MCMDC2: variants seen among roughly 807,000 people sequenced by gnomAD.
The protein encoded by MCMDC2 is minichromosome maintenance domain-containing protein 2.
MCMDC2 carries 54 observed loss-of-function variants against 75.8 expected under a neutral mutation model. The observed-to-expected ratio is 0.71, with a 90% CI of 0.57 to 0.89. The LOEUF is 0.89. Ranked by LOEUF, MCMDC2 falls within the 40% of genes least tolerant of loss-of-function variation. MCMDC2 has a pLI of 0.00. For synonymous variants in MCMDC2, 249 were observed against 274.6 expected (o/e 0.91, Z 0.92); for missense variants, 656 against 780.4 (o/e 0.84, Z 1.90).
intron 14 of MCMDC2, among the ~76,000 whole-genome samples, chr8:66,917,759 T>A (rs1189427871): frequency 6.6e-6 from 1 of 152,276 alleles, no homozygotes. Context: ...TAAGGCTGAA[T>A]AACATCCTTT....
At chr8:66,880,472 T>C (rs59037712) in intron 7 of MCMDC2, among the ~76,000 whole-genome samples, 2,483 of 152,340 alleles carry the variant, frequency 0.016, 66 homozygotes, top group African/African-American at 0.055. Context: ...AGGAAAATTA[T>C]TTTCCTCTCA....
chr8:66,902,090 A>G (rs1362746847), intron 13 of MCMDC2, among the ~76,000 whole-genome samples: 1 of 151,980 alleles, frequency 6.6e-6, no homozygotes, highest in Non-Finnish European at 1.5e-5. Flanking sequence ...GCACTTTGGG[A>G]GGCTGAGGTG....
At position 66,874,336 on chromosome 8, in the gene MCMDC2, A is replaced by T. The variant is rs746338460; in HGVS notation, c.105A>T (p.Gln35His). The T allele has an allele frequency of 1.1e-5, 17 of 1,611,306 alleles. No individual in the cohort carries two copies. The Middle Eastern group carries it at 8.3e-4, about 78-fold the overall frequency. Reference sequence around the variant, plus strand: ...TGTATATTTTCATAGATTCAAAACAAAGCTATGCTGTCTATCGATTCAAAA... The same window carrying T: ...TGTATATTTTCATAGATTCAAAACATAGCTATGCTGTCTATCGATTCAAAA... ...DDCKYYNDSK[Q>H]SYAVYRFKIL... The change falls in exon 3 of 15, where the codon CAA (glutamine) becomes CAT (histidine). Residue 35 changes from glutamine to histidine, a missense_variant. Coordinates refer to ENST00000422365, the MANE Select transcript of MCMDC2 (RefSeq NM_173518.5).
At chr8:66,874,012 TTA>T (rs1491553681) in intron 1 of MCMDC2, 39 bp from the exon 2 acceptor site, 1 of 623,064 alleles carries the variant, frequency 1.6e-6, no homozygotes, top group African/African-American at 1.9e-5. Flanking sequence ...TTGTAAAGTC[TTA>T]TTAGAGATTT....
Position 66,877,334 on chromosome 8 carries a change from T to G in MCMDC2, c.286-15T>G, listed in dbSNP as rs1378673720. ...TTTGCAATTTTCATTAATACCATTT[T>G]TATGTTCTTATTAGATTAATATAGT... On this transcript the variant is annotated splice_polypyrimidine_tract_variant and intron_variant, in intron 4 of 14. Transcript: ENST00000422365. 6.5e-7 allele frequency: 1 copy of G among 1,534,256 alleles called. No homozygotes were observed. The highest frequency in any genetic ancestry group is 8.9e-7 in the Non-Finnish European group (1 of 1,126,450).
chr8:66,888,554 G>T (rs1811950672), intron 9 of MCMDC2, among the ~76,000 whole-genome samples: 1 of 152,140 alleles, frequency 6.6e-6, no homozygotes, highest in Admixed American at 6.5e-5. Context: ...ATTTCTCTCA[G>T]TGATGTTTTT....
intron 12 of MCMDC2, 37 bp downstream of exon 12, chr8:66,896,996 G>A (rs1812385899): frequency 1.3e-6 from 2 of 1,541,032 alleles, no homozygotes; most frequent in Admixed American, 4.4e-5. Context: ...GAATGCCTGT[G>A]CTAATGTTTC....
At chr8:66,887,393 A>G (rs1183628770) in intron 9 of MCMDC2, among the ~76,000 whole-genome samples, 1 of 151,674 alleles carries the variant, frequency 6.6e-6, no homozygotes, top group Non-Finnish European at 1.5e-5. Context: ...ACAAAAAAAA[A>G]AAAAAAAAAT....
chr8:66,901,937 GA>G (rs1373445227), intron 13 of MCMDC2, among the ~76,000 whole-genome samples: 1 of 150,540 alleles, frequency 6.6e-6, no homozygotes, highest in Non-Finnish European at 1.5e-5. Flanking sequence ...TCTCAAAAAA[GA>G]AAAAAAATAT....
chr8:66,902,711 A>ATATATATATAT (rs1554530727), intron 13 of MCMDC2, among the ~76,000 whole-genome samples: 4 of 67,930 alleles, frequency 5.9e-5, no homozygotes, highest in African/African-American at 2.9e-4. Context: ...AAAAAAAAAA[A>ATATATATATAT]ATATATATAT....
intron 1 of MCMDC2, among the ~76,000 whole-genome samples, chr8:66,873,068 CTTAATCATTTTATTTTAGCACCTA>C (rs1188883247): frequency 6.6e-6 from 1 of 151,574 alleles, no homozygotes; most frequent in Non-Finnish European, 1.5e-5. Flanking sequence ...AGGATCCAAT[CTTAATCATTTTATTTTAGCACCTA>C]TTAATCATTT....
chr8:66,903,128 A>C (rs1171891279), intron 13 of MCMDC2, among the ~76,000 whole-genome samples: 13 of 152,120 alleles, frequency 8.5e-5, no homozygotes, highest in Non-Finnish European at 1.8e-4. Flanking sequence ...CTCAAAAAAA[A>C]AAAAAAGCAA....
At chr8:66,901,724 A>G (rs1271113823) in intron 13 of MCMDC2, 7 of 643,788 alleles carry the variant, frequency 1.1e-5, no homozygotes, top group Admixed American at 6.1e-5. Context: ...TGAGGTCAGG[A>G]GTTCAAGACC....
chr8:66,924,502 G>A (rs964859312), downstream of MCMDC2, among the ~76,000 whole-genome samples: 3 of 151,942 alleles, frequency 2.0e-5, no homozygotes, highest in African/African-American at 7.3e-5. Flanking sequence ...GGGCGTGGTG[G>A]CAGGCGCCTG....
rs1416264458 is a variant in MCMDC2 at position 66,874,422 on chromosome 8, A to G, written c.191A>G (p.His64Arg). The change falls in exon 3 of 15, where the codon CAC becomes CGC. Residue 64 changes from histidine to arginine, a missense_variant. By Grantham distance (29) the His-to-Arg change is conservative. Transcript: ENST00000422365. ...GCTGAGCTTGGAAATCACATTTTAC[A>G]CCAACCTTTAAAAGCTGCTGAAGTC... Reference protein sequence around the residue: ...LDAELGNHILHQPLKAAEVFQ... With the variant: ...LDAELGNHILRQPLKAAEVFQ... 1.2e-6 allele frequency: 2 copies of G among 1,613,730 alleles called. No homozygotes were observed. Among genetic ancestry groups the G allele is most frequent in the African/African-American group, 2.7e-5 (2 of 74,920 alleles).
intron 4 of MCMDC2, 69 bp from the exon 5 acceptor site, chr8:66,877,280 T>TA (rs1243485311): frequency 8.3e-6 from 8 of 960,550 alleles, no homozygotes; most frequent in African/African-American, 6.8e-5. Context: ...ATAATATACT[T>TA]ACTATATTGT....
intron 10 of MCMDC2, among the ~76,000 whole-genome samples, chr8:66,894,940 C>A (rs1291999149): frequency 6.6e-6 from 1 of 152,202 alleles, no homozygotes; most frequent in East Asian, 1.9e-4. Context: ...CAGTCCCTGG[C>A]AAACACTATT....
At position 66,907,228 on chromosome 8, in the gene MCMDC2, C is replaced by CTAATG. The variant is rs1481262734; in HGVS notation, c.1879+1893_1879+1894insTAATG. Among the ~76,000 whole-genome samples the CTAATG allele has an allele frequency of 4.6e-5, 7 of 152,230 alleles. 1 individual carries two copies. In the East Asian group the frequency reaches 1.2e-3, roughly 25 times the overall value. ...TCCTAATGCTCTCCTTCCCCTTGCC[C>CTAATG]CCGCCAACCCCCAACAGGCCTCAGT... is the stretch of plus-strand genomic sequence containing the variant. On this transcript the variant is annotated intron_variant, in intron 14 of 14. Coordinates refer to ENST00000422365, the MANE Select transcript of MCMDC2 (RefSeq NM_173518.5).
chr8:66,896,900 A>T lies in MCMDC2; in HGVS notation c.1567A>T (p.Asn523Tyr). ...GCAACACACTTTGAACAAAGCCATTAATCCTGAAGGGCTGTTTTATGCGGC... is the reference window on the plus strand; with the variant it reads ...GCAACACACTTTGAACAAAGCCATTTATCCTGAAGGGCTGTTTTATGCGGC... ...TVQHTLNKAI[N>Y]PEGLFYAASR... The change falls in exon 12 of 15, where the codon AAT becomes TAT. Residue 523 changes from asparagine to tyrosine, a missense_variant. By Grantham distance (143) the Asn-to-Tyr change is moderately radical. Transcript: ENST00000422365. The T allele has an allele frequency of 6.2e-7, 1 of 1,613,016 alleles. No individual in the cohort carries two copies. Among genetic ancestry groups the T allele is most frequent in the South Asian group, 1.1e-5 (1 of 90,888 alleles).
Sources: allele counts gnomAD v4.1 joint callset (sites outside exome capture counted in the v4.1 genomes callset), GRCh38; gene constraint gnomAD v4.1.1; transcripts MANE v1.5; gene names NCBI Gene and HGNC (gene_info 2026-07-23, HGNC 2026-07-21).